Variants in SLCO5A1 observed in about 807,000 individuals in gnomAD.
The protein encoded by SLCO5A1 is solute carrier organic anion transporter family member 5A1, also known as organic anion transporter polypeptide-related protein 4.
In SLCO5A1, 39 loss-of-function variants were observed where a neutral mutation model predicts 65.1. That is an observed-to-expected ratio of 0.60 (90% CI 0.46 to 0.78). The LOEUF (loss-of-function observed/expected upper bound fraction) is 0.78. Ranked by LOEUF, SLCO5A1 falls within the 30% of genes least tolerant of loss-of-function variation. The pLI, the probability that SLCO5A1 is intolerant of heterozygous loss-of-function variation, is 0.00. For missense variants in SLCO5A1, 1,029 were observed against 1,069.4 expected (o/e 0.96, Z 0.53); for synonymous variants, 438 against 415.7 (o/e 1.05, Z -0.65).
chr8:69,758,427 G>A (rs927068200), intron 3 of SLCO5A1, among the ~76,000 whole-genome samples: 10 of 152,036 alleles, frequency 6.6e-5, no homozygotes, highest in Non-Finnish European at 1.3e-4. Context: ...TGATCTGCCC[G>A]CCTCAGCTTC....
intron 2 of SLCO5A1, among the ~76,000 whole-genome samples, chr8:69,810,924 G>A (rs1350659097): frequency 1.3e-5 from 2 of 152,128 alleles, no homozygotes; most frequent in Non-Finnish European, 2.9e-5. Context: ...ACAGTACACA[G>A]ACATTCACAT....
intron 2 of SLCO5A1, among the ~76,000 whole-genome samples, chr8:69,784,862 AGG>A (rs1491128757): frequency 0.015 from 1,660 of 113,352 alleles, 11 homozygotes; most frequent in African/African-American, 0.022. Context: ...AAAGAAAGAA[AGG>A]GAAGGAAGGA....
chr8:69,694,882 C>T (rs1383053934), intron 6 of SLCO5A1, among the ~76,000 whole-genome samples: 2 of 152,284 alleles, frequency 1.3e-5, no homozygotes, highest in Non-Finnish European at 2.9e-5. Flanking sequence ...AGATTGAATA[C>T]AACTAAGTGA....
chr8:69,722,898 C>T (rs141982423), intron 5 of SLCO5A1, among the ~76,000 whole-genome samples: 24 of 152,066 alleles, frequency 1.6e-4, no homozygotes, highest in African/African-American at 5.8e-4. Context: ...TTGGCTGATA[C>T]AGAGATGAGG....
chr8:69,826,765 A>C (rs1241455665), intron 2 of SLCO5A1, among the ~76,000 whole-genome samples: 1 of 152,184 alleles, frequency 6.6e-6, no homozygotes, highest in East Asian at 1.9e-4. Flanking sequence ...TAGAACTAGA[A>C]ATACCATTTG....
intron 2 of SLCO5A1, among the ~76,000 whole-genome samples, chr8:69,815,685 C>CACAAA (rs1158254305): frequency 6.8e-6 from 1 of 147,086 alleles, no homozygotes; most frequent in African/African-American, 2.6e-5. Flanking sequence ...CACACACACA[C>CACAAA]ACACAAAATT....
intron 2 of SLCO5A1, among the ~76,000 whole-genome samples, chr8:69,816,100 C>T (rs1026793147): frequency 6.6e-6 from 1 of 152,062 alleles, no homozygotes; most frequent in Non-Finnish European, 1.5e-5. Flanking sequence ...ATAAGGAACT[C>T]AAGATATTGA....
At chr8:69,677,690 A>C (rs1365022515) in intron 8 of SLCO5A1, among the ~76,000 whole-genome samples, 2 of 152,186 alleles carry the variant, frequency 1.3e-5, no homozygotes, top group East Asian at 3.9e-4. Flanking sequence ...ATGCACTACT[A>C]TCTGGCTGTC....
chr8:69,833,775 C>G (rs1024748588), intron 1 of SLCO5A1: 3 of 152,240 alleles, frequency 2.0e-5, no homozygotes, highest in Non-Finnish European at 4.4e-5. Flanking sequence ...GGTCAACATG[C>G]TTGCCTCTTT....
intron 4 of SLCO5A1, among the ~76,000 whole-genome samples, chr8:69,749,117 T>A (rs1462227736): frequency 2.0e-5 from 3 of 152,208 alleles, no homozygotes; most frequent in East Asian, 3.8e-4. Flanking sequence ...AAAACTGACC[T>A]GGACACATTC....
chr8:69,805,889 A>T (rs1029973876), intron 2 of SLCO5A1, among the ~76,000 whole-genome samples: 3 of 152,248 alleles, frequency 2.0e-5, no homozygotes, highest in Non-Finnish European at 4.4e-5. Context: ...GATGAGAAGC[A>T]TAATTAAGGA....
chr8:69,669,087 A>G lies in SLCO5A1; in HGVS notation c.*3782T>C, dbSNP rs1357696113. Reference sequence around the variant, plus strand: ...GTTTCATTTCAGAAACTCTGCCGAGACCCGATGTTAACACGAAGACTAGAT... The same window carrying G: ...GTTTCATTTCAGAAACTCTGCCGAGGCCCGATGTTAACACGAAGACTAGAT... On this transcript the variant is annotated 3_prime_UTR_variant, in exon 10 of 10. Coordinates refer to ENST00000260126, the MANE Select transcript of SLCO5A1 (RefSeq NM_030958.3). The G allele has an allele frequency of 6.6e-6, 1 of 152,158 alleles. No individual in the cohort carries two copies. The highest frequency in any genetic ancestry group is 2.4e-5 in the African/African-American group (1 of 41,436). 9.4% of individuals were successfully genotyped at this position (152,158 alleles called of 1,614,324 possible).
rs1821368951 is a variant in SLCO5A1, at chr8:69,834,952, C to CG, written c.-596dup. 1 of 152,634 alleles carries CG rather than the reference C, an allele frequency of 6.6e-6. No individual in the cohort carries two copies. The highest frequency in any genetic ancestry group is 1.5e-5 in the Non-Finnish European group (1 of 68,402). The allele number at this position is 152,634 out of a possible 1,614,324, so 9.5% of individuals were successfully genotyped here. On this transcript the variant is annotated 5_prime_UTR_variant, in exon 1 of 10. Coordinates refer to ENST00000260126, the MANE Select transcript of SLCO5A1 (RefSeq NM_030958.3). ...GGGAGCCGCGTGAGGAGGCAGCCTC[C>CG]GTCCAGCCGAAGAGAAATCAGTGAA...
At chr8:69,712,868 G>T (rs1380759066) in intron 5 of SLCO5A1, among the ~76,000 whole-genome samples, 1 of 84,458 alleles carries the variant, frequency 1.2e-5, no homozygotes, top group African/African-American at 5.0e-5. Flanking sequence ...TAAGTGATTT[G>T]CTCATTAATT....
chr8:69,727,534 C>T (rs570936413), intron 5 of SLCO5A1, among the ~76,000 whole-genome samples: 1 of 152,290 alleles, frequency 6.6e-6, no homozygotes, highest in East Asian at 1.9e-4. Flanking sequence ...TTCATCAACT[C>T]TTCACTGGAG....
chr8:69,726,158 A>G (rs768037907), intron 5 of SLCO5A1, among the ~76,000 whole-genome samples: 5 of 152,270 alleles, frequency 3.3e-5, no homozygotes, highest in Non-Finnish European at 7.3e-5. Flanking sequence ...AGGTAAGTGA[A>G]GCAAAAAACA....
chr8:69,806,768 A>G (rs976323819), intron 2 of SLCO5A1, among the ~76,000 whole-genome samples: 1 of 152,226 alleles, frequency 6.6e-6, no homozygotes, highest in Non-Finnish European at 1.5e-5. Context: ...ATTTATTTGC[A>G]TGGCAGACAA....
At chr8:69,784,921 AG>A (rs1204705934) in intron 2 of SLCO5A1, among the ~76,000 whole-genome samples, 1 of 146,796 alleles carries the variant, frequency 6.8e-6, no homozygotes, top group Non-Finnish European at 1.5e-5. Flanking sequence ...AAAGAAAGAA[AG>A]AAAGAAAGAA....
intron 6 of SLCO5A1, among the ~76,000 whole-genome samples, chr8:69,694,675 C>T (rs956027726): frequency 9.2e-5 from 14 of 152,156 alleles, no homozygotes; most frequent in South Asian, 6.2e-4. Flanking sequence ...CCTATACAGC[C>T]GCACCACCCA....
Sources: allele counts gnomAD v4.1 joint callset (sites outside exome capture counted in the v4.1 genomes callset), GRCh38; gene constraint gnomAD v4.1.1; transcripts MANE v1.5; gene names NCBI Gene and HGNC (gene_info 2026-07-23, HGNC 2026-07-21).